The following RANBP3L variants were observed in gnomAD, a reference collection of about 807,000 sequenced individuals.
RANBP3L encodes the protein ran-binding protein 3-like.
RANBP3L carries 56 observed loss-of-function variants against 67.2 expected under a neutral mutation model. The observed-to-expected ratio is 0.83, with a 90% CI of 0.67 to 1.04. RANBP3L has a LOEUF of 1.04. Among genes scored for constraint, RANBP3L ranks in the 50% least tolerant of loss-of-function variants. RANBP3L has a pLI of 0.00. For missense variants in RANBP3L, 496 were observed against 535.5 expected (o/e 0.93, Z 0.73); for synonymous variants, 164 against 181.4 (o/e 0.90, Z 0.77).
intron 1 of RANBP3L, among the ~76,000 whole-genome samples, chr5:36,290,224 C>CTTTTT (rs33974139): frequency 1.1e-4 from 16 of 143,988 alleles, no homozygotes; most frequent in African/African-American, 7.7e-5. Context: ...TCTGTCTCAC[C>CTTTTT]TTTTTTTTTT....
intron 1 of RANBP3L, among the ~76,000 whole-genome samples, chr5:36,294,010 G>A (rs1158147120): frequency 2.6e-5 from 4 of 152,112 alleles, no homozygotes; most frequent in Admixed American, 6.5e-5. Flanking sequence ...GATAGAATTC[G>A]GCTGTAAATC....
At chr5:36,258,080 A>G (rs1749121183) in intron 8 of RANBP3L, among the ~76,000 whole-genome samples, 1 of 152,168 alleles carries the variant, frequency 6.6e-6, no homozygotes, top group African/African-American at 2.4e-5. Context: ...TTTATGGAAA[A>G]AAACAAAAAA....
chr5:36,254,871 T>C (rs1211186466), intron 11 of RANBP3L, among the ~76,000 whole-genome samples: 2 of 152,070 alleles, frequency 1.3e-5, no homozygotes, highest in African/African-American at 4.8e-5. Flanking sequence ...CTCTCTTGTA[T>C]TTTTAGGTTT....
chr5:36,280,189 A>G (rs1162687163), intron 1 of RANBP3L, among the ~76,000 whole-genome samples: 2 of 152,206 alleles, frequency 1.3e-5, no homozygotes, highest in Non-Finnish European at 2.9e-5. Flanking sequence ...AAACCAAGAC[A>G]TAGAGATAAG....
chr5:36,264,998 T>A lies in RANBP3L; in HGVS notation c.441A>T (p.Ala147=). 1 of 1,613,880 alleles carries A rather than the reference T, an allele frequency of 6.2e-7. No individual in the cohort carries two copies. The highest frequency in any genetic ancestry group is 1.7e-5 in the Admixed American group (1 of 59,998). Residue 147 remains alanine (A), a synonymous_variant, in exon 6 of 14, where the codon GCA becomes GCT. Coordinates refer to ENST00000296604, the MANE Select transcript of RANBP3L (RefSeq NM_145000.5). ...AKVRKTFGHK[A]LESCKTKEKT... is the part of the protein sequence containing the mutation. The stretch of plus-strand genomic sequence containing the variant: ...TTTCTTTAGTCTTGCAAGATTCCAG[T>A]GCCTTGTGTCCAAATGTTTTTCTTA...
rs1749713046 is a variant in RANBP3L at position 36,265,638 on chromosome 5, G to GAGT, written c.269-121_269-119dup. 6.7e-6 allele frequency: 4 copies of GAGT among 596,948 alleles called. No homozygotes were observed. The South Asian group carries it at 8.7e-5, about 13-fold the overall frequency. The allele number at this position is 596,948 out of a possible 1,614,324, so 37.0% of individuals were successfully genotyped here. On this transcript the variant is annotated intron_variant, in intron 4 of 13. Transcript: ENST00000296604. ...GCAGATGTCGCAATTGGCACTAACA[G>GAGT]AGTAGTAGGTAGTGCCCTCTGGAGC...
At chr5:36,255,051 C>T (rs1387971921) in intron 11 of RANBP3L, among the ~76,000 whole-genome samples, 1 of 152,084 alleles carries the variant, frequency 6.6e-6, no homozygotes, top group Non-Finnish European at 1.5e-5. Context: ...GATCTTTTCA[C>T]TTCACAAAAT....
At chr5:36,300,903 A>G (rs999316292) in intron 1 of RANBP3L, among the ~76,000 whole-genome samples, 3 of 152,204 alleles carry the variant, frequency 2.0e-5, no homozygotes, top group South Asian at 2.1e-4. Context: ...CCCACAATGA[A>G]TGAGCCAGAG....
chr5:36,279,344 T>TA (rs1750816903), intron 1 of RANBP3L, among the ~76,000 whole-genome samples: 3 of 152,242 alleles, frequency 2.0e-5, no homozygotes, highest in Admixed American at 2.0e-4. Context: ...GGGGGAACTC[T>TA]AAAAAACTTT....
chr5:36,287,442 A>G (rs924197607), intron 1 of RANBP3L, among the ~76,000 whole-genome samples: 4 of 152,234 alleles, frequency 2.6e-5, no homozygotes, highest in Non-Finnish European at 5.9e-5. Context: ...TATGTGTTAA[A>G]TAAAATAAAT....
At chr5:36,275,754 A>G (rs1257388899) in intron 1 of RANBP3L, among the ~76,000 whole-genome samples, 2 of 152,146 alleles carry the variant, frequency 1.3e-5, no homozygotes, top group African/African-American at 4.8e-5. Flanking sequence ...CATAAAAATA[A>G]AGAAATACCG....
chr5:36,266,304 TGG>T (rs1372887129), intron 4 of RANBP3L, among the ~76,000 whole-genome samples: 1 of 152,164 alleles, frequency 6.6e-6, no homozygotes, highest in Non-Finnish European at 1.5e-5. Flanking sequence ...AACATGTTGG[TGG>T]GGTAAGACTG....
At chr5:36,276,481 G>C (rs72744593) in intron 1 of RANBP3L, among the ~76,000 whole-genome samples, 32,150 of 122,224 alleles carry the variant, frequency 0.26, 4,138 homozygotes, top group Non-Finnish European at 0.38. Context: ...TTTTATCATA[G>C]GTATGTATAG....
intron 1 of RANBP3L, among the ~76,000 whole-genome samples, chr5:36,287,294 A>G (rs1262036921): frequency 1.3e-5 from 2 of 152,132 alleles, no homozygotes; most frequent in Non-Finnish European, 2.9e-5. Context: ...CCCTGTTTGC[A>G]CTATATATTT....
chr5:36,282,249 G>A (rs1342633140), intron 1 of RANBP3L, among the ~76,000 whole-genome samples: 1 of 152,224 alleles, frequency 6.6e-6, no homozygotes, highest in Non-Finnish European at 1.5e-5. Flanking sequence ...TTCATGGGAT[G>A]TTGGAAATAT....
intron 1 of RANBP3L, among the ~76,000 whole-genome samples, chr5:36,296,961 T>C (rs1029705073): frequency 2.0e-5 from 3 of 152,146 alleles, no homozygotes; most frequent in African/African-American, 7.2e-5. Flanking sequence ...TTGCCAGCCT[T>C]CATAATTGTG....
chr5:36,284,587 C>G (rs930666510), intron 1 of RANBP3L, among the ~76,000 whole-genome samples: 2 of 152,090 alleles, frequency 1.3e-5, no homozygotes, highest in African/African-American at 2.4e-5. Flanking sequence ...TGCATACTGC[C>G]TCTTTATTTT....
intron 1 of RANBP3L, among the ~76,000 whole-genome samples, chr5:36,289,280 A>G (rs954554170): frequency 6.6e-6 from 1 of 152,154 alleles, no homozygotes; most frequent in Non-Finnish European, 1.5e-5. Flanking sequence ...AGATTTTTCT[A>G]TCCTTACACT....
chr5:36,269,551 T>G, intron 3 of RANBP3L, 84 bp from the exon 4 acceptor site: 1 of 842,934 alleles, frequency 1.2e-6, no homozygotes, highest in Non-Finnish European at 2.0e-6. Context: ...TAAACAGAAT[T>G]TTCTTTTGTC....
Sources: allele counts gnomAD v4.1 joint callset (sites outside exome capture counted in the v4.1 genomes callset), GRCh38; gene constraint gnomAD v4.1.1; transcripts MANE v1.5; gene names NCBI Gene and HGNC (gene_info 2026-07-23, HGNC 2026-07-21).